The following SKP2 variants were observed in gnomAD, a reference collection of about 807,000 sequenced individuals.
SKP2 encodes S-phase kinase associated protein 2.
Under a neutral mutation model 51.8 loss-of-function variants are expected in SKP2, and 16 were observed. The ratio of observed to expected loss-of-function variants is 0.31; its 90% CI spans 0.21 to 0.47. The LOEUF is 0.47. Ranked by LOEUF, SKP2 falls within the 20% of genes least tolerant of loss-of-function variation. The pLI, the probability that SKP2 is intolerant of heterozygous loss-of-function variation, is 1.00. For synonymous variants in SKP2, 176 were observed against 198.6 expected, an observed-to-expected ratio of 0.89 and a Z score of 0.96; for missense variants, 377 against 505.3, an observed-to-expected ratio of 0.75 and a Z score of 2.43.
Position 36,170,339 on chromosome 5 carries a change from T to G in SKP2, c.672-5T>G. 6.3e-7 allele frequency: 1 copy of G among 1,583,186 alleles called. No homozygotes were observed. The highest frequency in any genetic ancestry group is 8.7e-7 in the Non-Finnish European group (1 of 1,153,462). The stretch of plus-strand genomic sequence containing the variant: ...TTTTCTTCTGACGTTTTTCTCTTTT[T>G]CCAGTACTCTCGCAAAAAACTCAAA... On this transcript the variant is annotated splice_polypyrimidine_tract_variant and splice_region_variant and intron_variant, in intron 5 of 9. Coordinates refer to ENST00000274255, the MANE Select transcript of SKP2 (RefSeq NM_005983.4).
chr5:36,179,866 C>A (rs573996581), intron 9 of SKP2, among the ~76,000 whole-genome samples: 2 of 151,006 alleles, frequency 1.3e-5, no homozygotes, highest in South Asian at 2.1e-4. Flanking sequence ...TTAAAAGATG[C>A]TTGCAAATTT....
downstream of SKP2, among the ~76,000 whole-genome samples, chr5:36,185,083 A>G (rs140581869): frequency 0.012 from 1,858 of 152,224 alleles, 156 homozygotes; most frequent in East Asian, 0.21. Flanking sequence ...GTCTGTTCAT[A>G]TCCTTTGCCC....
intron 4 of SKP2, 76 bp downstream of exon 4, chr5:36,166,738 TTTC>T (rs1454612583): frequency 6.5e-5 from 90 of 1,386,390 alleles, no homozygotes; most frequent in African/African-American, 1.6e-4. Context: ...TTTTTTTTTT[TTTC>T]TTTCTTCAGC....
downstream of SKP2, among the ~76,000 whole-genome samples, chr5:36,186,758 A>G (rs1745959663): frequency 6.6e-6 from 1 of 152,134 alleles, no homozygotes; most frequent in Non-Finnish European, 1.5e-5. Context: ...CTGGCCTCAC[A>G]AAATGAGTTA....
rs778657558 is a variant in SKP2 at position 36,170,395 on chromosome 5, T to C, written c.723T>C (p.Ser241=). The change falls in exon 6 of 10, where the codon TCT becomes TCC. Residue 241 remains serine, a synonymous_variant. Coordinates refer to ENST00000274255, the MANE Select transcript of SKP2 (RefSeq NM_005983.4). ...TGCGACTTAACCTTTCTGGGTGTTC[T>C]GGATTCTCTGAATTTGCCCTGCAGA... ...NLVRLNLSGC[S]GFSEFALQTL... 6.2e-7 allele frequency: 1 copy of C among 1,613,558 alleles called. No homozygotes were observed. Among genetic ancestry groups the C allele is most frequent in the African/African-American group, 1.3e-5 (1 of 75,048 alleles).
intron 2 of SKP2, among the ~76,000 whole-genome samples, chr5:36,161,070 A>G (rs946850575): frequency 1.3e-5 from 2 of 152,212 alleles, no homozygotes; most frequent in Admixed American, 1.3e-4. Context: ...TAAGCTGCAC[A>G]GCACCCCGAA....
In SKP2 at chr5:36,161,851, G is replaced by A. The variant is rs533049539; in HGVS notation, c.281-1794G>A. Among the ~76,000 whole-genome samples the A allele has an allele frequency of 6.1e-4, 93 of 152,266 alleles. 3 individuals carry two copies. In the South Asian group the frequency reaches 0.014, roughly 23 times the overall value. ...AGGAGGAGAGAATATCACCAGAATT[G>A]GTGTAGAAGATCCATCAGAGGTGGA... On this transcript the variant is annotated intron_variant, in intron 2 of 9. Transcript: ENST00000274255.
intron 2 of SKP2, among the ~76,000 whole-genome samples, chr5:36,157,374 T>A (rs1744983822): frequency 6.6e-6 from 1 of 152,220 alleles, no homozygotes; most frequent in Admixed American, 6.5e-5. Flanking sequence ...TGAGCAAGTC[T>A]TTCATAGAAA....
intron 9 of SKP2, 63 bp downstream of exon 9, chr5:36,177,355 G>T (rs1381730134): frequency 2.0e-6 from 2 of 980,960 alleles, no homozygotes; most frequent in African/African-American, 3.2e-5. Flanking sequence ...GCCCCTTGGT[G>T]TGAAAATCCA....
At chr5:36,153,205 T>C (rs1279411349) in intron 2 of SKP2, among the ~76,000 whole-genome samples, 163 bp downstream of exon 2, 3 of 143,244 alleles carry the variant, frequency 2.1e-5, no homozygotes, top group African/African-American at 8.1e-5. Flanking sequence ...TATGCAGGAA[T>C]CTTGGTAGAT....
At chr5:36,166,789 T>C (rs1258759719) in intron 4 of SKP2, 127 bp downstream of exon 4, 1 of 765,260 alleles carries the variant, frequency 1.3e-6, no homozygotes, top group African/African-American at 1.8e-5. Context: ...CAGTGTGGGA[T>C]GTTAATTCCA....
intron 2 of SKP2, among the ~76,000 whole-genome samples, chr5:36,159,487 CCT>C (rs1375591423): frequency 6.6e-6 from 1 of 152,182 alleles, no homozygotes; most frequent in African/African-American, 2.4e-5. Context: ...CCCCCCATTC[CCT>C]TACATGCCAA....
intron 3 of SKP2, among the ~76,000 whole-genome samples, chr5:36,164,445 G>A (rs1745223386): frequency 6.6e-6 from 1 of 152,156 alleles, no homozygotes; most frequent in Admixed American, 6.5e-5. Flanking sequence ...GCAAGAAAAA[G>A]GCTATGTTTA....
chr5:36,183,610 G>C lies in SKP2; in HGVS notation c.*1579G>C, dbSNP rs1433733967. 1 of 1,158,102 alleles carries C rather than the reference G, an allele frequency of 8.6e-7. No individual in the cohort carries two copies. 71.7% of individuals were successfully genotyped at this position (1,158,102 alleles called of 1,614,324 possible). ...ATCACAAAAACTAGTTTAAATTGAT[G>C]ACTTGTTCGTATGTTCAAAATGTAA... On this transcript the variant is annotated 3_prime_UTR_variant, in exon 10 of 10. Coordinates refer to ENST00000274255, the MANE Select transcript of SKP2 (RefSeq NM_005983.4).
chr5:36,169,953 A>G (rs1291228561), intron 5 of SKP2, among the ~76,000 whole-genome samples: 1 of 152,218 alleles, frequency 6.6e-6, no homozygotes, highest in Non-Finnish European at 1.5e-5. Context: ...AGAGATGTAT[A>G]ATCAAAAGAA....
rs370401193 is a variant in SKP2 at position 36,152,750 on chromosome 5, G to C, written c.9-21G>C. The C allele has an allele frequency of 4.4e-6, 7 of 1,607,440 alleles. No individual in the cohort carries two copies. The African/African-American group carries it at 5.4e-5, about 12-fold the overall frequency. The stretch of plus-strand genomic sequence containing the variant: ...TGGGTGTGTTTTCGAAAGGAACCGG[G>C]GGTATTGTGCACTTCTGCAGGAAGC... On this transcript the variant is annotated intron_variant, in intron 1 of 9. Coordinates refer to ENST00000274255, the MANE Select transcript of SKP2 (RefSeq NM_005983.4).
rs1454526679 is a variant in SKP2, at chr5:36,166,572, C to T, written c.446C>T (p.Pro149Leu). Reference sequence around the variant, plus strand: ...GACCTCACAGGTAAAAATCTGCACCCGGATGTGACTGGTCGGTTGCTGTCT... The same window carrying T: ...GACCTCACAGGTAAAAATCTGCACCTGGATGTGACTGGTCGGTTGCTGTCT... ...TLDLTGKNLH[P>L]DVTGRLLSQG... The change falls in exon 4 of 10, where the codon CCG becomes CTG. Residue 149 changes from proline (P) to leucine (L), a missense_variant. Pro to Leu is a moderately conservative substitution (Grantham distance 98, BLOSUM62 -3). Coordinates refer to ENST00000274255, the MANE Select transcript of SKP2 (RefSeq NM_005983.4). 13 of 1,613,732 alleles carry T rather than the reference C, an allele frequency of 8.1e-6. No homozygotes were observed. The highest frequency in any genetic ancestry group is 1.1e-5 in the South Asian group (1 of 91,072).
rs751849062 is a variant in SKP2, at chr5:36,152,749, G to A, written c.9-22G>A. ...ATGGGTGTGTTTTCGAAAGGAACCG[G>A]GGGTATTGTGCACTTCTGCAGGAAG... is the stretch of plus-strand genomic sequence containing the variant. On this transcript the variant is annotated intron_variant, in intron 1 of 9. Coordinates refer to ENST00000274255, the MANE Select transcript of SKP2 (RefSeq NM_005983.4). The A allele has an allele frequency of 8.1e-6, 13 of 1,607,304 alleles. No individual in the cohort carries two copies. The African/African-American group carries it at 1.3e-4, about 17-fold the overall frequency.
chr5:36,174,259 G>T (rs1258215372), intron 7 of SKP2, among the ~76,000 whole-genome samples: 1 of 152,076 alleles, frequency 6.6e-6, no homozygotes, highest in Non-Finnish European at 1.5e-5. Context: ...CTCAGGTTGG[G>T]TCTACTGTTT....
Sources: allele counts gnomAD v4.1 joint callset (sites outside exome capture counted in the v4.1 genomes callset), GRCh38; gene constraint gnomAD v4.1.1; transcripts MANE v1.5; gene names NCBI Gene and HGNC (gene_info 2026-07-23, HGNC 2026-07-21).